FBXO25: variants seen among roughly 807,000 people sequenced by gnomAD.
FBXO25 encodes F-box only protein 25.
A neutral mutation model predicts 51.9 loss-of-function variants in FBXO25; 45 were observed. The observed-to-expected ratio is 0.87, with a 90% CI of 0.68 to 1.11. The LOEUF is 1.11. FBXO25 is among the 50% of genes most tolerant of loss of function. The pLI, the probability that FBXO25 is intolerant of heterozygous loss-of-function variation, is 0.00. For missense variants in FBXO25, 507 were observed against 428.5 expected (o/e 1.18, Z -1.62); for synonymous variants, 199 against 151.0 (o/e 1.32, Z -2.33).
chr8:461,291 A>T (rs1181796612), intron 8 of FBXO25, among the ~76,000 whole-genome samples: 1 of 152,200 alleles, frequency 6.6e-6, no homozygotes, highest in Non-Finnish European at 1.5e-5. Context: ...TCCGCTGCCA[A>T]TAAAAGACAT....
At position 467,896 on chromosome 8, in the gene FBXO25, C is replaced by T. The variant is rs186553111; in HGVS notation, c.988-819C>T. On this transcript the variant is annotated intron_variant, in intron 9 of 9. Coordinates refer to ENST00000350302, the MANE Select transcript of FBXO25 (RefSeq NM_183420.2). ...CAGGACCCTGAGCAGGGCTGAGTGG[C>T]CACTTTGATCAAACACCTCAGCAAG... The T allele has an allele frequency of 4.4e-5, 66 of 1,508,006 alleles. No homozygotes were observed. In the East Asian group the frequency reaches 1.3e-3, roughly 29 times the overall value. The allele number at this position is 1,508,006 out of a possible 1,614,324, so 93.4% of individuals were successfully genotyped here. A position where few individuals can be genotyped will look rare whatever the true frequency, so the allele number is the denominator to read the frequency against.
intron 1 of FBXO25, among the ~76,000 whole-genome samples, chr8:410,237 C>A (rs2117393624): frequency 6.6e-6 from 1 of 152,254 alleles, no homozygotes; most frequent in East Asian, 1.9e-4. Context: ...TGTAAACACA[C>A]TTTATTATAT....
intron 9 of FBXO25, among the ~76,000 whole-genome samples, chr8:464,992 A>C (rs57252201): frequency 0.03 from 4,580 of 152,258 alleles, 210 homozygotes; most frequent in African/African-American, 0.1. Flanking sequence ...AAATCAGTTC[A>C]TCAGTAAGAT....
At chr8:438,130 C>T (rs1386254457) in intron 5 of FBXO25, among the ~76,000 whole-genome samples, 3 of 151,934 alleles carry the variant, frequency 2.0e-5, no homozygotes, top group African/African-American at 7.3e-5. Context: ...TCTCTGCTCA[C>T]TGCAACCTCT....
rs905793323 is a variant in FBXO25, at chr8:472,696, T to C, written c.*3892T>C. Reference sequence around the variant, plus strand: ...TGAAGTCACTGAGAAGCTTCAATTATCCTTTAAGAGGATAAGACCATTTTC... The same window carrying C: ...TGAAGTCACTGAGAAGCTTCAATTACCCTTTAAGAGGATAAGACCATTTTC... On this transcript the variant is annotated 3_prime_UTR_variant, in exon 10 of 10. Transcript: ENST00000350302. The C allele has an allele frequency of 3.9e-5, 6 of 152,278 alleles. No individual in the cohort carries two copies. The highest frequency in any genetic ancestry group is 7.2e-5 in the African/African-American group (3 of 41,480). 9.4% of individuals were successfully genotyped at this position (152,278 alleles called of 1,614,324 possible). A position where few individuals can be genotyped will look rare whatever the true frequency, so the allele number is the denominator to read the frequency against.
intron 2 of FBXO25, among the ~76,000 whole-genome samples, chr8:425,991 A>T (rs1273172341): frequency 6.7e-6 from 1 of 150,060 alleles, no homozygotes. Flanking sequence ...CAGTTAGCTG[A>T]TGGACACCCC....
At chr8:434,497 A>G (rs1374550355) in intron 4 of FBXO25, among the ~76,000 whole-genome samples, 1 of 152,130 alleles carries the variant, frequency 6.6e-6, no homozygotes, top group African/African-American at 2.4e-5. Flanking sequence ...TTAAATGAGT[A>G]TATTTTGTTG....
intron 5 of FBXO25, among the ~76,000 whole-genome samples, chr8:446,199 C>A (rs996208706): frequency 6.6e-6 from 1 of 152,048 alleles, no homozygotes; most frequent in Non-Finnish European, 1.5e-5. Context: ...GTTTAGACCT[C>A]GGGCTCCCCT....
intron 7 of FBXO25, among the ~76,000 whole-genome samples, chr8:456,154 G>A (rs1337730259): frequency 2.0e-5 from 3 of 152,208 alleles, no homozygotes; most frequent in Non-Finnish European, 4.4e-5. Flanking sequence ...TAATTCTTGT[G>A]AGAGTGTTAG....
chr8:419,736 A>G (rs1371253469), intron 2 of FBXO25, among the ~76,000 whole-genome samples: 1 of 152,224 alleles, frequency 6.6e-6, no homozygotes. Flanking sequence ...GAAAGTCTGC[A>G]TGATCTTGGG....
In FBXO25 at chr8:439,370, T is replaced by G. The variant is rs1482285174; in HGVS notation, c.381+3663T>G. Among the ~76,000 whole-genome samples, 4 of 152,168 alleles carry G rather than the reference T, an allele frequency of 2.6e-5. No homozygotes were observed. In the East Asian group the frequency reaches 7.7e-4, roughly 29 times the overall value. On this transcript the variant is annotated intron_variant, in intron 5 of 9. Transcript: ENST00000350302. The stretch of plus-strand genomic sequence containing the variant: ...AAGCTGCACGGTGTGCAACTGAAAT[T>G]TATAAAAATGTTAAATATGCTCTGT...
chr8:471,843 TGTACA>T lies in FBXO25; in HGVS notation c.*3041_*3045del, dbSNP rs1227466604. The T allele has an allele frequency of 6.6e-6, 1 of 152,252 alleles. No homozygotes were observed. Among genetic ancestry groups the T allele is most frequent in the African/African-American group, 2.4e-5 (1 of 41,468 alleles). 9.4% of individuals were successfully genotyped at this position (152,252 alleles called of 1,614,324 possible). A position where few individuals can be genotyped will look rare whatever the true frequency, so the allele number is the denominator to read the frequency against. ...CTCTGTATGCACTGTGTGTGCGTAC[TGTACA>T]GGGCTGTACACAGCAAACTGTGTCT... On this transcript the variant is annotated 3_prime_UTR_variant, in exon 10 of 10. Transcript: ENST00000350302.
intron 7 of FBXO25, among the ~76,000 whole-genome samples, chr8:452,626 G>A (rs1799168168): frequency 6.6e-6 from 1 of 152,176 alleles, no homozygotes; most frequent in African/African-American, 2.4e-5. Flanking sequence ...GGGTTTTCAT[G>A]GTCAGGATCC....
chr8:413,416 T>C (rs1796605729), intron 2 of FBXO25, among the ~76,000 whole-genome samples: 1 of 152,208 alleles, frequency 6.6e-6, no homozygotes, highest in South Asian at 2.1e-4. Flanking sequence ...CTTTTTTTTT[T>C]TAATTTAAAA....
intron 9 of FBXO25, among the ~76,000 whole-genome samples, chr8:466,950 T>A (rs774954230): frequency 6.6e-6 from 1 of 152,168 alleles, no homozygotes; most frequent in Non-Finnish European, 1.5e-5. Flanking sequence ...GAAGCCATGA[T>A]GAGCATTTGG....
At chr8:467,680 C>G (rs1800265286) in intron 9 of FBXO25, 5 of 1,610,184 alleles carry the variant, frequency 3.1e-6, no homozygotes, top group Non-Finnish European at 4.2e-6. Context: ...TCCCTCCCTT[C>G]ACTGCATTCC....
Position 463,100 on chromosome 8 carries a change from T to C in FBXO25, c.937T>C (p.Tyr313His). The C allele has an allele frequency of 6.2e-7, 1 of 1,614,014 alleles. No homozygotes were observed. Among genetic ancestry groups the C allele is most frequent in the Non-Finnish European group, 8.5e-7 (1 of 1,180,002 alleles). The part of the protein sequence containing the change: ...LQKHYPAKEQ[Y>H]GDTLHFCRHC... ...GAAACATTACCCAGCGAAGGAGCAG[T>C]ACGGAGACACACTGCATTTCTGTCG... Residue 313 changes from tyrosine to histidine, a missense_variant, in exon 9 of 10, where the codon TAC becomes CAC. Coordinates refer to ENST00000350302, the MANE Select transcript of FBXO25 (RefSeq NM_183420.2).
intron 8 of FBXO25, among the ~76,000 whole-genome samples, chr8:459,807 G>A (rs1412193786): frequency 6.6e-6 from 1 of 152,270 alleles, no homozygotes; most frequent in East Asian, 1.9e-4. Context: ...CCAATGTTGA[G>A]GGATAGAATG....
In FBXO25 at chr8:451,352, G is replaced by C; in HGVS notation, c.559G>C (p.Val187Leu). 6.2e-7 allele frequency: 1 copy of C among 1,613,940 alleles called. No individual in the cohort carries two copies. The highest frequency in any genetic ancestry group is 8.5e-7 in the Non-Finnish European group (1 of 1,179,858). The change falls in exon 7 of 10, where the codon GTA becomes CTA. Residue 187 changes from valine to leucine, a missense_variant. Val to Leu is a conservative substitution (Grantham distance 32). Coordinates refer to ENST00000350302, the MANE Select transcript of FBXO25 (RefSeq NM_183420.2). Reference protein sequence around the residue: ...SSTLCILIRGVGKSVLVGNIN... With the variant: ...SSTLCILIRGLGKSVLVGNIN... ...TACCCTCTGCATTCTTATTAGAGGA[G>C]TAGGGAAGTCTGTATTAGTGGGAAA... is the stretch of plus-strand genomic sequence containing the variant.
Sources: gnomAD v4.1 joint callset for allele counts (sites outside exome capture counted in the v4.1 genomes callset) on GRCh38, gnomAD v4.1.1 for gene constraint, MANE v1.5 for transcripts, NCBI Gene and HGNC (gene_info 2026-07-23, HGNC 2026-07-21) for gene names.